Variants in MAN1C1 observed in about 807,000 individuals in gnomAD.
MAN1C1 encodes the protein mannosyl-oligosaccharide 1,2-alpha-mannosidase IC.
In MAN1C1, 49 loss-of-function variants were observed where a neutral mutation model predicts 71.5. The ratio of observed to expected loss-of-function variants is 0.69; its 90% CI spans 0.54 to 0.87. MAN1C1 has a LOEUF of 0.87. MAN1C1 is among the 40% of genes least tolerant of loss of function. MAN1C1 has a pLI of 0.00. For missense variants in MAN1C1, 743 were observed against 835.0 expected (o/e 0.89, Z 1.36); for synonymous variants, 352 against 343.7 (o/e 1.02, Z -0.27).
intron 1 of MAN1C1, among the ~76,000 whole-genome samples, chr1:25,657,655 T>A (rs2045786044): frequency 6.6e-6 from 1 of 152,194 alleles, no homozygotes; most frequent in Non-Finnish European, 1.5e-5. Flanking sequence ...GGGGCTGCCC[T>A]TTGACAAACA....
chr1:25,623,949 A>G (rs2045255088), intron 1 of MAN1C1, among the ~76,000 whole-genome samples: 1 of 152,222 alleles, frequency 6.6e-6, no homozygotes, highest in South Asian at 2.1e-4. Context: ...GACAAGTGTC[A>G]TGAGTCAAGG....
chr1:25,644,491 C>G (rs2045582231), intron 1 of MAN1C1: 1 of 121,376 alleles, frequency 8.2e-6, no homozygotes, highest in African/African-American at 4.1e-5. Flanking sequence ...GTAATGGTAC[C>G]AGAGACATAT....
chr1:25,740,651 T>A (rs2047050292), intron 2 of MAN1C1, among the ~76,000 whole-genome samples: 1 of 152,074 alleles, frequency 6.6e-6, no homozygotes, highest in South Asian at 2.1e-4. Context: ...TTAGCCAGGA[T>A]GGTCTCGATC....
chr1:25,653,815 G>A (rs142787868), intron 1 of MAN1C1, among the ~76,000 whole-genome samples: 7 of 152,180 alleles, frequency 4.6e-5, no homozygotes, highest in African/African-American at 1.4e-4. Context: ...GGAGCAGCAC[G>A]CTTCAAAACT....
intron 1 of MAN1C1, among the ~76,000 whole-genome samples, chr1:25,642,265 A>G (rs1047073630): frequency 6.6e-6 from 1 of 152,208 alleles, no homozygotes; most frequent in African/African-American, 2.4e-5. Context: ...TCCTGAGGGC[A>G]ACAAAGCCGG....
chr1:25,768,319 G>C (rs1441241685), intron 7 of MAN1C1, among the ~76,000 whole-genome samples: 2 of 12,568 alleles, frequency 1.6e-4, no homozygotes, highest in Non-Finnish European at 1.5e-4. Flanking sequence ...CTCCCTTCAC[G>C]TACATCCACA....
intron 1 of MAN1C1, among the ~76,000 whole-genome samples, chr1:25,649,698 C>T (rs1425742494): frequency 2.0e-5 from 3 of 152,244 alleles, no homozygotes; most frequent in South Asian, 4.2e-4. Flanking sequence ...AGTACAGTGG[C>T]GCAATCTCAG....
At chr1:25,681,809 A>G (rs1275108751) in intron 1 of MAN1C1, among the ~76,000 whole-genome samples, 2 of 152,150 alleles carry the variant, frequency 1.3e-5, no homozygotes, top group Non-Finnish European at 2.9e-5. Context: ...TTCATTGTCC[A>G]TCTTTTTTGG....
At chr1:25,648,544 C>T (rs2045648248) in intron 1 of MAN1C1, among the ~76,000 whole-genome samples, 1 of 152,186 alleles carries the variant, frequency 6.6e-6, no homozygotes, top group South Asian at 2.1e-4. Context: ...TTTTACCCAG[C>T]TCTGTCAAGG....
At chr1:25,747,876 G>A (rs1265586452) in intron 3 of MAN1C1, among the ~76,000 whole-genome samples, 1 of 152,220 alleles carries the variant, frequency 6.6e-6, no homozygotes, top group Non-Finnish European at 1.5e-5. Context: ...ACAGTGGAGA[G>A]TTGTAACCGC....
intron 1 of MAN1C1, among the ~76,000 whole-genome samples, chr1:25,628,393 C>T (rs538949189): frequency 1.3e-5 from 2 of 152,110 alleles, no homozygotes; most frequent in Admixed American, 6.5e-5. Context: ...CTGCAAACTC[C>T]GCCTCCCGGG....
intron 2 of MAN1C1, among the ~76,000 whole-genome samples, chr1:25,712,335 A>G (rs1489275949): frequency 6.6e-6 from 1 of 152,188 alleles, no homozygotes; most frequent in East Asian, 1.9e-4. Context: ...CACTTGCTGT[A>G]AAGCCCCTGG....
chr1:25,758,815 G>A (rs2047324089), intron 6 of MAN1C1, 106 bp downstream of exon 6: 1 of 1,022,182 alleles, frequency 9.8e-7, no homozygotes, highest in South Asian at 1.3e-5. Context: ...TCAGCAGGAG[G>A]GCAGTGGGGA....
At chr1:25,742,267 T>A (rs923561884) in intron 2 of MAN1C1, among the ~76,000 whole-genome samples, 1 of 152,178 alleles carries the variant, frequency 6.6e-6, no homozygotes, top group Non-Finnish European at 1.5e-5. Flanking sequence ...TGGCAGTTCC[T>A]GAGCTTGGGG....
chr1:25,654,997 A>G (rs1187266682), intron 1 of MAN1C1, among the ~76,000 whole-genome samples: 1 of 152,200 alleles, frequency 6.6e-6, no homozygotes, highest in Non-Finnish European at 1.5e-5. Context: ...ACTGGAACAC[A>G]TGCTGTCCTC....
At chr1:25,765,046 C>A (rs2047410042) in intron 7 of MAN1C1, among the ~76,000 whole-genome samples, 2 of 151,488 alleles carry the variant, frequency 1.3e-5, no homozygotes, top group Non-Finnish European at 2.9e-5. Flanking sequence ...AGACTCCGTC[C>A]CAAAAAAAAA....
chr1:25,749,677 C>G (rs962609325), intron 4 of MAN1C1, among the ~76,000 whole-genome samples: 2 of 152,188 alleles, frequency 1.3e-5, no homozygotes, highest in Non-Finnish European at 2.9e-5. Flanking sequence ...CCAACTGGCT[C>G]CCACAGGTGC....
At position 25,769,279 on chromosome 1, in the gene MAN1C1, A is replaced by C. The variant is rs2124396184; in HGVS notation, c.1142-2378A>C. ...ACACACACACACTCTCCCTACACACACATCCACACACCCATACCCCTCAGC... is the reference window on the plus strand; with the variant it reads ...ACACACACACACTCTCCCTACACACCCATCCACACACCCATACCCCTCAGC... On this transcript the variant is annotated intron_variant, in intron 7 of 11. Coordinates refer to ENST00000374332, the MANE Select transcript of MAN1C1 (RefSeq NM_020379.4). This position sits in a 1 kb window ranked among gnomAD's most constrained non-coding sequence, Gnocchi z 4.8. Among the ~76,000 whole-genome samples the C allele has an allele frequency of 6.6e-6, 1 of 151,046 alleles. No homozygotes were observed. Among genetic ancestry groups the C allele is most frequent in the Non-Finnish European group, 1.5e-5 (1 of 67,640 alleles).
At chr1:25,677,056 G>C (rs1016981269) in intron 1 of MAN1C1, among the ~76,000 whole-genome samples, 3 of 152,168 alleles carry the variant, frequency 2.0e-5, no homozygotes, top group African/African-American at 7.2e-5. Flanking sequence ...TTCTGCAGGA[G>C]AGAACTCTTG....
Sources: gnomAD v4.1 joint callset for allele counts (sites outside exome capture counted in the v4.1 genomes callset) on GRCh38, gnomAD v4.1.1 for gene constraint, Gnocchi (gnomAD v3.1) non-coding constraint, MANE v1.5 for transcripts, NCBI Gene and HGNC (gene_info 2026-07-23, HGNC 2026-07-21) for gene names.